Variants in LCOR observed in about 807,000 individuals in gnomAD.
LCOR encodes ligand-dependent corepressor.
In LCOR, 14 loss-of-function variants were observed where a neutral mutation model predicts 64.4. That is an observed-to-expected ratio of 0.22 (90% CI 0.14 to 0.34). The LOEUF (loss-of-function observed/expected upper bound fraction) is 0.34. Among genes scored for constraint, LCOR ranks in the 10% least tolerant of loss-of-function variants. LCOR has a pLI of 1.00. For missense variants in LCOR, 1,686 were observed against 1,765.3 expected (o/e 0.96, Z 0.80); for synonymous variants, 643 against 642.5 (o/e 1.00, Z -0.01).
Position 96,949,140 on chromosome 10 carries a change from C to T in LCOR, c.83C>T (p.Thr28Ile). ...STQDPSQPNS[T>I]KNQSLPKASP... ...CAGGACCCCAGCCAGCCCAATAGCA[C>T]AAAGAACCAAAGCCTGCCGAAAGCA... The change falls in exon 6 of 8, where the codon ACA becomes ATA. Residue 28 changes from threonine (T) to isoleucine (I), a missense_variant. Coordinates refer to ENST00000421806, the MANE Select transcript of LCOR (RefSeq NM_001346516.2). 6.2e-7 allele frequency: 1 copy of T among 1,614,054 alleles called. No individual in the cohort carries two copies. Among genetic ancestry groups the T allele is most frequent in the Non-Finnish European group, 8.5e-7 (1 of 1,179,990 alleles).
At chr10:96,855,022 TC>T (rs980334655) in intron 2 of LCOR, among the ~76,000 whole-genome samples, 1 of 152,202 alleles carries the variant, frequency 6.6e-6, no homozygotes, top group Non-Finnish European at 1.5e-5. Context: ...AGTCACCTTT[TC>T]TGCCATTCTT....
In LCOR at chr10:96,984,336, T is replaced by C. The variant is rs754551988; in HGVS notation, c.3876T>C (p.Asp1292=). The C allele has an allele frequency of 3.1e-6, 5 of 1,613,914 alleles. No homozygotes were observed. Among genetic ancestry groups the C allele is most frequent in the Middle Eastern group, 3.3e-4 (2 of 6,082 alleles). Reference sequence around the variant, plus strand: ...ACAGCATAGAGGAAGTCAAGGAAGATAGAAACAGTCATCCTCCAGCAAACC... The same window carrying C: ...ACAGCATAGAGGAAGTCAAGGAAGACAGAAACAGTCATCCTCCAGCAAACC... ...SEDSIEEVKE[D]RNSHPPANLP... The change falls in exon 8 of 8, where the codon GAT becomes GAC. Residue 1292 remains aspartate, a synonymous_variant. Coordinates refer to ENST00000421806, the MANE Select transcript of LCOR (RefSeq NM_001346516.2).
rs138497182 is a variant in LCOR at position 96,901,389 on chromosome 10, C to G, written c.-329-5876C>G. 4.7e-4 allele frequency among the ~76,000 whole-genome samples: 72 copies of G among 152,198 alleles called. No homozygotes were observed. The East Asian group carries it at 0.013, about 27-fold the overall frequency. On this transcript the variant is annotated intron_variant, in intron 2 of 7. Coordinates refer to ENST00000421806, the MANE Select transcript of LCOR (RefSeq NM_001346516.2). The stretch of plus-strand genomic sequence containing the variant: ...GACTGGTAGTCTAAATCTCTTTCCT[C>G]TTATTTTAAGTAAAATTAAGTGAAA...
chr10:96,962,819 C>G (rs1847901735), intron 7 of LCOR: 1 of 152,016 alleles, frequency 6.6e-6, no homozygotes, highest in Admixed American at 6.6e-5. Context: ...TCTTTATAAC[C>G]TCCACTTAAA....
At chr10:96,861,367 CAGT>C (rs1405634148) in intron 2 of LCOR, among the ~76,000 whole-genome samples, 4 of 152,146 alleles carry the variant, frequency 2.6e-5, no homozygotes, top group Non-Finnish European at 5.9e-5. Flanking sequence ...ATATTTTTGA[CAGT>C]GGTAGTGTGA....
chr10:96,984,073 C>T lies in LCOR; in HGVS notation c.3613C>T (p.Arg1205Cys), dbSNP rs770609460. The T allele has an allele frequency of 3.1e-6, 5 of 1,613,880 alleles. No homozygotes were observed. The highest frequency in any genetic ancestry group is 2.2e-5 in the East Asian group (1 of 44,898). Residue 1205 changes from arginine to cysteine, a missense_variant, in exon 8 of 8, where the codon CGC (arginine) becomes TGC (cysteine). Transcript: ENST00000421806. The stretch of plus-strand genomic sequence containing the variant: ...AGTCATTGTGAAGAAGCTCAATACT[C>T]GCCTTCCAGGAGACGTTCCCCCTGT... ...SLVIVKKLNTRLPGDVPPVKH... is the reference protein window; with the variant it reads ...SLVIVKKLNTCLPGDVPPVKH...
rs1169726090 is a variant in LCOR at position 96,989,674 on chromosome 10, G to GATATATATATAT, written c.*4551_*4562dup. 142 of 54,806 alleles carry GATATATATATAT rather than the reference G, an allele frequency of 2.6e-3. 4 individuals carry two copies. The highest frequency in any genetic ancestry group is 4.3e-3 in the African/African-American group (38 of 8,906). 3.4% of individuals were successfully genotyped at this position (54,806 alleles called of 1,614,324 possible). A position where few individuals can be genotyped will look rare whatever the true frequency, so the allele number is the denominator to read the frequency against. ...CCTTTTCCAAAAACTCAAGGATAAG[G>GATATATATATAT]ATATATATATATATATATATATTTT... On this transcript the variant is annotated 3_prime_UTR_variant, in exon 8 of 8. Transcript: ENST00000421806.
chr10:96,931,101 A>C (rs1252156420), intron 4 of LCOR, among the ~76,000 whole-genome samples: 1 of 152,122 alleles, frequency 6.6e-6, no homozygotes, highest in Non-Finnish European at 1.5e-5. Context: ...CTATTATTAC[A>C]AATTATGACA....
chr10:96,932,288 T>G (rs1002563923), intron 4 of LCOR, among the ~76,000 whole-genome samples: 1 of 152,114 alleles, frequency 6.6e-6, no homozygotes. Context: ...TAAGTGTTAT[T>G]CAGTAGATGG....
intron 2 of LCOR, among the ~76,000 whole-genome samples, chr10:96,845,751 G>A (rs1291573027): frequency 6.6e-6 from 1 of 151,474 alleles, no homozygotes; most frequent in Non-Finnish European, 1.5e-5. Context: ...ACAGGTGTGA[G>A]CCACCGCACC....
chr10:96,985,201 A>T lies in LCOR; in HGVS notation c.*67A>T. The stretch of plus-strand genomic sequence containing the variant: ...TAACCTTTTATTTTGCATTAACTAA[A>T]TCTGCTTTTATAAGCTTATCAAGCC... On this transcript the variant is annotated 3_prime_UTR_variant, in exon 8 of 8. Transcript: ENST00000421806. The T allele has an allele frequency of 6.7e-7, 1 of 1,486,758 alleles. No homozygotes were observed. The highest frequency in any genetic ancestry group is 8.9e-7 in the Non-Finnish European group (1 of 1,119,602). 92.1% of individuals were successfully genotyped at this position (1,486,758 alleles called of 1,614,324 possible). A position where few individuals can be genotyped will look rare whatever the true frequency, so the allele number is the denominator to read the frequency against.
chr10:96,923,564 T>A (rs1308151439), intron 4 of LCOR, among the ~76,000 whole-genome samples: 1 of 152,196 alleles, frequency 6.6e-6, no homozygotes, highest in East Asian at 1.9e-4. Flanking sequence ...CCTTTAATCT[T>A]ATCACCCAAA....
At chr10:96,911,154 GTGGTGTCATCTTGGCTCAC>G (rs1417869720) in intron 4 of LCOR, among the ~76,000 whole-genome samples, 1 of 145,072 alleles carries the variant, frequency 6.9e-6, no homozygotes, top group Non-Finnish European at 1.5e-5. Context: ...CTGGGGTGCA[GTGGTGTCATCTTGGCTCAC>G]TGCAGCCTCT....
intron 4 of LCOR, among the ~76,000 whole-genome samples, chr10:96,911,468 G>C (rs767577334): frequency 2.6e-5 from 4 of 152,120 alleles, no homozygotes; most frequent in Non-Finnish European, 5.9e-5. Context: ...ATAAAGAAAA[G>C]GAAAGGGTCA....
rs1371771053 is a variant in LCOR, at chr10:96,989,695, A to ATATATATATATATATATATATATATT, written c.*4562_*4563insATATATATATATATATATATATATTT. 1 of 86,192 alleles carries ATATATATATATATATATATATATATT rather than the reference A, an allele frequency of 1.2e-5. No homozygotes were observed. The highest frequency in any genetic ancestry group is 6.2e-5 in the African/African-American group (1 of 16,158). The allele number at this position is 86,192 out of a possible 1,614,324, so 5.3% of individuals were successfully genotyped here. A position where few individuals can be genotyped will look rare whatever the true frequency, so the allele number is the denominator to read the frequency against. On this transcript the variant is annotated 3_prime_UTR_variant, in exon 8 of 8. Transcript: ENST00000421806. ...TAAGGATATATATATATATATATAT[A>ATATATATATATATATATATATATATT]TTTTTTTTTTTTTTTTTTTTTTTTA...
intron 4 of LCOR, among the ~76,000 whole-genome samples, chr10:96,922,720 A>G (rs1320295797): frequency 1.3e-5 from 2 of 152,248 alleles, no homozygotes; most frequent in East Asian, 1.9e-4. Flanking sequence ...CTATACATGT[A>G]TAATGGATAA....
chr10:96,891,069 CCT>C (rs1846430606), intron 2 of LCOR, among the ~76,000 whole-genome samples: 1 of 151,850 alleles, frequency 6.6e-6, no homozygotes. Context: ...AGTATTCATC[CCT>C]TTTCTCTTTT....
intron 2 of LCOR, among the ~76,000 whole-genome samples, chr10:96,885,807 A>T (rs546138522): frequency 6.6e-6 from 1 of 152,088 alleles, no homozygotes; most frequent in Admixed American, 6.5e-5. Context: ...AGTTCTAATT[A>T]TGGGATACTT....
intron 2 of LCOR, among the ~76,000 whole-genome samples, chr10:96,881,150 A>G (rs1361708520): frequency 3.3e-5 from 5 of 152,096 alleles, no homozygotes; most frequent in African/African-American, 9.7e-5. Context: ...TTTTACAGAA[A>G]AGGTTTGTCT....
Sources: allele counts gnomAD v4.1 joint callset (sites outside exome capture counted in the v4.1 genomes callset), GRCh38; gene constraint gnomAD v4.1.1; transcripts MANE v1.5; gene names NCBI Gene and HGNC (gene_info 2026-07-23, HGNC 2026-07-21).